Variants in PCLO observed in about 807,000 individuals in gnomAD.
PCLO encodes the protein piccolo presynaptic cytomatrix protein.
A neutral mutation model predicts 427.5 loss-of-function variants in PCLO; 82 were observed. The observed-to-expected ratio is 0.19, with a 90% confidence interval of 0.16 to 0.23. PCLO has a LOEUF of 0.23. PCLO is among the 10% of genes least tolerant of loss of function. The pLI is 1.00. For missense variants in PCLO, 6,239 were observed against 6,115.9 expected (o/e 1.02, Z -0.67); for synonymous variants, 2,357 against 2,155.4 (o/e 1.09, Z -2.59).
intron 9 of PCLO, among the ~76,000 whole-genome samples, chr7:82,882,416 C>T (rs75448369): frequency 0.01 from 1,582 of 152,182 alleles, 13 homozygotes; most frequent in Non-Finnish European, 0.015. Context: ...TTTGTTTCAT[C>T]TCAAAACATT....
At chr7:83,102,646 G>A (rs9656543) in intron 3 of PCLO, among the ~76,000 whole-genome samples, 69,651 of 151,604 alleles carry the variant, frequency 0.46, 16,405 homozygotes, top group East Asian at 0.71. Context: ...ATATTATAAT[G>A]ATAATGTAAA....
At position 82,956,103 on chromosome 7, in the gene PCLO, G is replaced by A. The variant is rs1193903751; in HGVS notation, c.4850C>T (p.Thr1617Ile). The change falls in exon 5 of 25, where the codon ACA (threonine) becomes ATA (isoleucine). Residue 1617 changes from threonine to isoleucine, a missense_variant. Thr to Ile is a moderately conservative substitution (Grantham distance 89, BLOSUM62 -1). This residue lies in a region of PCLO where 4,677 missense variants were observed against 4,468.4 expected (regional missense o/e 1.05). Coordinates refer to ENST00000333891, the MANE Select transcript of PCLO (RefSeq NM_033026.6). The part of the protein sequence containing the change: ...KHRRLTRKSS[T>I]SIDEDAGRRH... The stretch of plus-strand genomic sequence containing the variant: ...TCTTCCTGCATCTTCATCAATGCTT[G>A]TGCTACTTTTTCGAGTCAGTCGTCT... 2.5e-6 allele frequency: 4 copies of A among 1,610,608 alleles called. No individual in the cohort carries two copies. The highest frequency in any genetic ancestry group is 2.7e-5 in the African/African-American group (2 of 74,890).
rs760086406 is a variant in PCLO, at chr7:82,756,556, C to T, written c.*2019G>A. ...TGAAGTCATATATATATATATATATCCTGGGATATATTAGAAATTCTCTTA... is the reference window on the plus strand; with the variant it reads ...TGAAGTCATATATATATATATATATTCTGGGATATATTAGAAATTCTCTTA... On this transcript the variant is annotated 3_prime_UTR_variant, in exon 25 of 25. Transcript: ENST00000333891. The T allele has an allele frequency of 1.9e-4, 28 of 148,860 alleles. No homozygotes were observed. Among genetic ancestry groups the T allele is most frequent in the Non-Finnish European group, 3.4e-4 (23 of 67,038 alleles). The allele number at this position is 148,860 out of a possible 1,614,324, so 9.2% of individuals were successfully genotyped here. A position where few individuals can be genotyped will look rare whatever the true frequency, so the allele number is the denominator to read the frequency against.
intron 9 of PCLO, among the ~76,000 whole-genome samples, chr7:82,901,305 T>A (rs1435213835): frequency 6.6e-6 from 1 of 151,900 alleles, no homozygotes; most frequent in Admixed American, 6.6e-5. Flanking sequence ...TCATGAGTCA[T>A]CTAAAATGAA....
chr7:83,121,324 G>A (rs990035206), intron 3 of PCLO, among the ~76,000 whole-genome samples: 6 of 151,910 alleles, frequency 3.9e-5, no homozygotes, highest in African/African-American at 7.2e-5. Flanking sequence ...TAAAATAATC[G>A]GTAATAGAAG....
chr7:82,869,881 A>T (rs1298359206), intron 10 of PCLO, among the ~76,000 whole-genome samples: 1 of 152,050 alleles, frequency 6.6e-6, no homozygotes, highest in Admixed American at 6.6e-5. Context: ...AAAACATGAA[A>T]TATCTTTTCA....
At chr7:82,929,270 T>C (rs544456251) in intron 6 of PCLO, among the ~76,000 whole-genome samples, 1 of 152,260 alleles carries the variant, frequency 6.6e-6, no homozygotes, top group South Asian at 2.1e-4. Context: ...CAGTTGCATA[T>C]AAAATATCTT....
chr7:82,952,156 T>C lies in PCLO; in HGVS notation c.8797A>G (p.Thr2933Ala), dbSNP rs1795367673. 2 of 1,576,414 alleles carry C rather than the reference T, an allele frequency of 1.3e-6. No homozygotes were observed. The highest frequency in any genetic ancestry group is 3.2e-5 in the African/African-American group (2 of 62,332). ...CAGCACACAGCTCTTCTCCCTGCGG[T>C]TAAATCAACGGGTTTTTCATCTTCT... Reference protein sequence around the residue: ...IIEDEKPVDLTAGRRAVCCDV... With the variant: ...IIEDEKPVDLAAGRRAVCCDV... The change falls in exon 5 of 25, where the codon ACC (threonine) becomes GCC (alanine). Residue 2933 changes from threonine (T) to alanine (A), a missense_variant. Around this residue, in one of 5 missense-constraint regions of PCLO, gnomAD observed 4,677 missense variants for 4,468.4 expected, o/e 1.05. Coordinates refer to ENST00000333891, the MANE Select transcript of PCLO (RefSeq NM_033026.6).
At chr7:83,006,444 T>C (rs1382969396) in intron 3 of PCLO, among the ~76,000 whole-genome samples, 1 of 151,594 alleles carries the variant, frequency 6.6e-6, no homozygotes, top group Non-Finnish European at 1.5e-5. Flanking sequence ...ATTACAGACA[T>C]GGTAGATGGC....
intron 2 of PCLO, among the ~76,000 whole-genome samples, chr7:83,153,185 T>C (rs1471533576): frequency 1.3e-5 from 2 of 149,940 alleles, no homozygotes; most frequent in Non-Finnish European, 3.0e-5. Flanking sequence ...TATAAAAACA[T>C]ATGTATATGT....
intron 3 of PCLO, among the ~76,000 whole-genome samples, chr7:83,128,631 T>C (rs1043785212): frequency 1.2e-4 from 19 of 152,126 alleles, no homozygotes; most frequent in Non-Finnish European, 2.1e-4. Context: ...ACAGAAAAGA[T>C]AGAAGCAAAG....
rs112252147 is a variant in PCLO at position 83,023,831 on chromosome 7, T to G, written c.3301-57344A>C. On this transcript the variant is annotated intron_variant, in intron 3 of 24. Coordinates refer to ENST00000333891, the MANE Select transcript of PCLO (RefSeq NM_033026.6). ...ATAACTCTCTAAATTATTAATGTCATTGATAGCAGAGAAGTGATGTATGGC... is the reference window on the plus strand; with the variant it reads ...ATAACTCTCTAAATTATTAATGTCAGTGATAGCAGAGAAGTGATGTATGGC... Among the ~76,000 whole-genome samples, 865 of 152,314 alleles carry G rather than the reference T, an allele frequency of 5.7e-3. 5 individuals carry two copies. Among genetic ancestry groups the G allele is most frequent in the African/African-American group, 0.016 (676 of 41,580 alleles).
chr7:83,095,543 C>T (rs1207765102), intron 3 of PCLO, among the ~76,000 whole-genome samples: 1 of 151,588 alleles, frequency 6.6e-6, no homozygotes, highest in African/African-American at 2.4e-5. Context: ...GACGTTTTCT[C>T]TTTTATAATG....
At chr7:82,956,993 C>G in intron 4 of PCLO, 58 bp from the exon 5 acceptor site, 1 of 1,444,870 alleles carries the variant, frequency 6.9e-7, no homozygotes, top group Non-Finnish European at 9.1e-7. Context: ...AAAACATGGC[C>G]TCTCCATTAC....
chr7:82,971,208 A>G (rs1795895133), intron 3 of PCLO, among the ~76,000 whole-genome samples: 1 of 151,842 alleles, frequency 6.6e-6, no homozygotes, highest in Non-Finnish European at 1.5e-5. Flanking sequence ...GTAACAACTC[A>G]ATGTATCAAT....
chr7:83,001,534 GAAGT>G (rs914675121), intron 3 of PCLO, among the ~76,000 whole-genome samples: 44 of 120,582 alleles, frequency 3.6e-4, no homozygotes, highest in Non-Finnish European at 2.2e-4. Context: ...ACACACAAAG[GAAGT>G]AAGAAAGAAA....
At position 82,953,245 on chromosome 7, in the gene PCLO, G is replaced by C; in HGVS notation, c.7708C>G (p.Pro2570Ala). 6.2e-7 allele frequency: 1 copy of C among 1,613,962 alleles called. No homozygotes were observed. The highest frequency in any genetic ancestry group is 1.1e-5 in the South Asian group (1 of 91,088). Reference protein sequence around the residue: ...PLSPHSNKSSPRFSKSLTETY... With the variant: ...PLSPHSNKSSARFSKSLTETY... ...TCTGTGAGGGATTTGGAAAATCTTG[G>C]TGAAGACTTGTTGGAGTGTGGGGAA... Residue 2570 changes from proline (P) to alanine (A), a missense_variant, in exon 5 of 25, where the codon CCA (proline) becomes GCA (alanine). Around this residue, in one of 5 missense-constraint regions of PCLO, gnomAD observed 4,677 missense variants for 4,468.4 expected, o/e 1.05. Coordinates refer to ENST00000333891, the MANE Select transcript of PCLO (RefSeq NM_033026.6).
chr7:82,982,561 T>A (rs1182905283), intron 3 of PCLO, among the ~76,000 whole-genome samples: 2 of 151,700 alleles, frequency 1.3e-5, no homozygotes, highest in Non-Finnish European at 2.9e-5. Context: ...TGATTCAAGA[T>A]AAAAAACAGA....
intron 3 of PCLO, among the ~76,000 whole-genome samples, chr7:83,023,704 C>T (rs41610): frequency 0.48 from 72,415 of 152,060 alleles, 19,626 homozygotes; most frequent in Middle Eastern, 0.7. Context: ...GCCATGAGTA[C>T]GGAAAGCTTA....
Sources: gnomAD v4.1 joint callset for allele counts (sites outside exome capture counted in the v4.1 genomes callset) on GRCh38, gnomAD v4.1.1 for gene constraint, gnomAD v4.1.1 regional missense constraint, MANE v1.5 for transcripts, NCBI Gene and HGNC (gene_info 2026-07-23, HGNC 2026-07-21) for gene names.